Variants in MYO16 observed in about 807,000 individuals in gnomAD.
MYO16 encodes unconventional myosin-XVI.
Under a neutral mutation model 205.3 loss-of-function variants are expected in MYO16, and 94 were observed. That is an observed-to-expected ratio of 0.46 (90% CI 0.39 to 0.54). MYO16 has a LOEUF of 0.54. Ranked by LOEUF, MYO16 falls within the 20% of genes least tolerant of loss-of-function variation. MYO16 has a pLI of 0.00. For synonymous variants in MYO16, 988 were observed against 954.0 expected, an observed-to-expected ratio of 1.04 and a Z score of -0.66; for missense variants, 2,315 against 2,387.5, an observed-to-expected ratio of 0.97 and a Z score of 0.63.
At chr13:108,983,995 A>G (rs1175510288) in intron 20 of MYO16, among the ~76,000 whole-genome samples, 1 of 152,202 alleles carries the variant, frequency 6.6e-6, no homozygotes, top group East Asian at 1.9e-4. Flanking sequence ...GAGAAGAACT[A>G]GTTATTCTGT....
chr13:108,953,568 TG>T (rs1320738553), intron 16 of MYO16, among the ~76,000 whole-genome samples: 19 of 150,326 alleles, frequency 1.3e-4, no homozygotes, highest in Non-Finnish European at 2.1e-4. Flanking sequence ...TTTTGAGTTT[TG>T]TTTTTTTTTT....
chr13:109,124,991 C>G (rs1876174328), intron 29 of MYO16, 121 bp from the exon 30 acceptor site: 2 of 1,087,988 alleles, frequency 1.8e-6, no homozygotes, highest in East Asian at 2.5e-5. Flanking sequence ...AAGTCTTATT[C>G]TGGGTTAAAT....
At chr13:108,632,574 T>A (rs566157636) in intron 1 of MYO16, among the ~76,000 whole-genome samples, 1 of 152,294 alleles carries the variant, frequency 6.6e-6, no homozygotes, top group South Asian at 2.1e-4. Flanking sequence ...ACAGTTGTTA[T>A]CTCCAGTTTA....
chr13:109,041,985 C>G (rs1886899026), intron 23 of MYO16, among the ~76,000 whole-genome samples: 1 of 152,044 alleles, frequency 6.6e-6, no homozygotes, highest in East Asian at 1.9e-4. Context: ...CTGCCTCAGC[C>G]TCCCGAGTAG....
Position 109,055,245 on chromosome 13 carries a change from A to T in MYO16, c.3129+119A>T, listed in dbSNP as rs567565481. On this transcript the variant is annotated intron_variant, in intron 26 of 34. Transcript: ENST00000457511. The surrounding 1 kb of genome is among the most constrained non-coding windows in gnomAD (Gnocchi z 5.0). ...AAATATCTTCACAAAAAAAGTAAAC[A>T]TACACACACACACACACACACACAC... 1.0e-2 allele frequency: 8,611 copies of T among 864,868 alleles called. 71 individuals carry two copies. Among genetic ancestry groups the T allele is most frequent in the Non-Finnish European group, 0.012 (7,253 of 600,560 alleles). The allele number at this position is 864,868 out of a possible 1,614,324, so 53.6% of individuals were successfully genotyped here. A position where few individuals can be genotyped will look rare whatever the true frequency, so the allele number is the denominator to read the frequency against.
rs181265842 is a variant in MYO16 at position 109,063,038 on chromosome 13, T to G, written c.3335+7443T>G. On this transcript the variant is annotated intron_variant, in intron 27 of 34. Coordinates refer to ENST00000457511, the MANE Select transcript of MYO16 (RefSeq NM_001198950.3). ...ACAACAACAACAAAATGTCCAGTTT[T>G]GCCGTTGGGAAGTAAGCAACCACTG... 3.4e-3 allele frequency among the ~76,000 whole-genome samples: 520 copies of G among 152,308 alleles called. 1 individual carries two copies. Among genetic ancestry groups the G allele is most frequent in the Admixed American group, 5.7e-3 (87 of 15,282 alleles).
chr13:109,019,706 C>T lies in MYO16; in HGVS notation c.2596-5C>T. 6.2e-7 allele frequency: 1 copy of T among 1,611,594 alleles called. No homozygotes were observed. The highest frequency in any genetic ancestry group is 8.5e-7 in the Non-Finnish European group (1 of 1,178,064). On this transcript the variant is annotated splice_region_variant and splice_polypyrimidine_tract_variant and intron_variant, in intron 22 of 34. Coordinates refer to ENST00000457511, the MANE Select transcript of MYO16 (RefSeq NM_001198950.3). ...AACAACTCCCCATCTCTTCTTAACT[C>T]TCAGAAGCCATCTGGATTTCTCACC...
chr13:108,510,277 C>T, the MYO16 span, among the ~76,000 whole-genome samples: 3 of 151,808 alleles, frequency 2.0e-5, no homozygotes, highest in East Asian at 1.9e-4. Flanking sequence ...CCATCACGCC[C>T]GGCTAATTTT....
chr13:109,173,060 G>T (rs1401559243), intron 33 of MYO16, among the ~76,000 whole-genome samples: 3 of 152,214 alleles, frequency 2.0e-5, no homozygotes, highest in Admixed American at 6.5e-5. Context: ...CAGGGGAAGG[G>T]TCTATTTAAT....
intron 27 of MYO16, among the ~76,000 whole-genome samples, chr13:109,094,481 G>A (rs1888715859): frequency 6.6e-6 from 1 of 152,168 alleles, no homozygotes; most frequent in Non-Finnish European, 1.5e-5. Flanking sequence ...AAGTTGCTAG[G>A]ACAACAGGCG....
the MYO16 span, among the ~76,000 whole-genome samples, chr13:108,561,200 T>C: frequency 1.3e-5 from 2 of 152,214 alleles, no homozygotes; most frequent in Non-Finnish European, 2.9e-5. Flanking sequence ...ATTGATCAGG[T>C]ATAATCAGTT....
At chr13:109,124,439 A>G (rs1481462916) in intron 29 of MYO16, among the ~76,000 whole-genome samples, 1 of 152,226 alleles carries the variant, frequency 6.6e-6, no homozygotes, top group African/African-American at 2.4e-5. Flanking sequence ...GAGTTTCAGA[A>G]TTGAATGACG....
chr13:108,699,090 C>CTA (rs1883198279), intron 2 of MYO16, among the ~76,000 whole-genome samples: 3 of 141,594 alleles, frequency 2.1e-5, no homozygotes, highest in East Asian at 2.1e-4. Flanking sequence ...CTCTCTCTCT[C>CTA]TCTCTCTATA....
chr13:108,779,353 A>C (rs533645368), intron 4 of MYO16, among the ~76,000 whole-genome samples: 10 of 152,356 alleles, frequency 6.6e-5, no homozygotes, highest in Admixed American at 2.0e-4. Context: ...CTAGTAAAAA[A>C]ACAAACAAAA....
chr13:108,713,386 A>G (rs1883799562), intron 3 of MYO16, among the ~76,000 whole-genome samples: 1 of 152,244 alleles, frequency 6.6e-6, no homozygotes, highest in South Asian at 2.1e-4. Context: ...CTCTCAAGAC[A>G]AAAAGTAATG....
intron 15 of MYO16, among the ~76,000 whole-genome samples, chr13:108,905,018 T>C (rs907673542): frequency 6.6e-6 from 1 of 152,208 alleles, no homozygotes; most frequent in African/African-American, 2.4e-5. Flanking sequence ...TTTTCGATCT[T>C]CAAAAATATG....
intron 1 of MYO16, among the ~76,000 whole-genome samples, chr13:108,620,537 G>T (rs922770458): frequency 2.0e-5 from 3 of 152,186 alleles, no homozygotes; most frequent in African/African-American, 7.2e-5. Flanking sequence ...TTCTAGGGAT[G>T]AGAGGTTTCC....
intron 32 of MYO16, among the ~76,000 whole-genome samples, chr13:109,161,360 T>G (rs1410801): frequency 0.81 from 122,324 of 151,500 alleles, 49,419 homozygotes; most frequent in Middle Eastern, 0.9. Context: ...AATGACTGTG[T>G]GGGGACTGCT....
At position 109,048,656 on chromosome 13, in the gene MYO16, T is replaced by G. The variant is rs1257568098; in HGVS notation, c.2872+1665T>G. 4 of 274,772 alleles carry G rather than the reference T, an allele frequency of 1.5e-5. No individual in the cohort carries two copies. In the East Asian group the frequency reaches 2.4e-4, roughly 17 times the overall value. The allele number at this position is 274,772 out of a possible 1,614,324, so 17.0% of individuals were successfully genotyped here. A position where few individuals can be genotyped will look rare whatever the true frequency, so the allele number is the denominator to read the frequency against. ...AAATATTTGTGGTTGCCATCATGTT[T>G]TATGAATCTGTGAAATACTTTGATG... On this transcript the variant is annotated intron_variant, in intron 24 of 34. Coordinates refer to ENST00000457511, the MANE Select transcript of MYO16 (RefSeq NM_001198950.3).
Sources: gnomAD v4.1 joint callset for allele counts (sites outside exome capture counted in the v4.1 genomes callset) on GRCh38, gnomAD v4.1.1 for gene constraint, Gnocchi (gnomAD v3.1) non-coding constraint, MANE v1.5 for transcripts, NCBI Gene and HGNC (gene_info 2026-07-23, HGNC 2026-07-21) for gene names.